The following WWOX variants were observed in gnomAD, a reference collection of about 807,000 sequenced individuals.
WWOX encodes the protein WW domain containing oxidoreductase.
Under a neutral mutation model 46.2 loss-of-function variants are expected in WWOX, and 69 were observed. That is an observed-to-expected ratio of 1.49 (90% CI 1.23 to 1.82). The LOEUF (loss-of-function observed/expected upper bound fraction) is 1.82. Ranked by LOEUF, WWOX falls within the 40% of genes most tolerant of loss-of-function variation. WWOX has a pLI of 0.00. For missense variants in WWOX, 919 were observed against 542.6 expected (o/e 1.69, Z -6.89); for synonymous variants, 359 against 202.6 (o/e 1.77, Z -6.56).
chr16:78,388,851 C>T (rs2082116365), intron 6 of WWOX, among the ~76,000 whole-genome samples: 1 of 151,762 alleles, frequency 6.6e-6, no homozygotes, highest in South Asian at 2.1e-4. Context: ...TGCCTGTAAT[C>T]CCAGCTACTT....
chr16:79,162,475 C>G (rs1405710466), intron 8 of WWOX, among the ~76,000 whole-genome samples: 1 of 152,158 alleles, frequency 6.6e-6, no homozygotes, highest in African/African-American at 2.4e-5. Context: ...CCTGATGCCA[C>G]TGGTGTTCCT....
intron 5 of WWOX, among the ~76,000 whole-genome samples, chr16:78,208,650 A>C (rs2036468025): frequency 6.6e-6 from 1 of 152,240 alleles, no homozygotes; most frequent in African/African-American, 2.4e-5. Flanking sequence ...GAAGCTGTGC[A>C]TAACACACTC....
chr16:78,188,784 C>T (rs1335983670), intron 5 of WWOX, among the ~76,000 whole-genome samples: 3 of 152,010 alleles, frequency 2.0e-5, no homozygotes, highest in Non-Finnish European at 4.4e-5. Context: ...AAATGACAGG[C>T]CTTTTGAAAT....
At chr16:78,202,597 C>CT (rs1359314571) in intron 5 of WWOX, among the ~76,000 whole-genome samples, 2 of 152,138 alleles carry the variant, frequency 1.3e-5, no homozygotes, top group Non-Finnish European at 2.9e-5. Flanking sequence ...TGTATTTCAG[C>CT]TTTTAACATT....
rs565866932 is a variant in WWOX at position 78,447,272 on chromosome 16, A to C, written c.1056+14520A>C. On this transcript the variant is annotated intron_variant, in intron 8 of 8. Coordinates refer to ENST00000566780, the MANE Select transcript of WWOX (RefSeq NM_016373.4). ...TCTGTACATTTACTCCTGTGCCAGT[A>C]ACAATGGCAATATTTTAATACTGTA... Among the ~76,000 whole-genome samples, 3 of 152,338 alleles carry C rather than the reference A, an allele frequency of 2.0e-5. No homozygotes were observed. In the East Asian group the frequency reaches 5.8e-4, roughly 29 times the overall value.
At chr16:78,605,578 A>C (rs577011988) in intron 8 of WWOX, among the ~76,000 whole-genome samples, 1 of 152,272 alleles carries the variant, frequency 6.6e-6, no homozygotes, top group South Asian at 2.1e-4. Flanking sequence ...AAATCAACCA[A>C]TGCCTGCCCT....
chr16:78,640,995 G>A (rs1482246570), intron 8 of WWOX, among the ~76,000 whole-genome samples: 2 of 151,434 alleles, frequency 1.3e-5, no homozygotes, highest in African/African-American at 2.4e-5. Flanking sequence ...GGAAGGAAAA[G>A]GGAAGGGAAA....
At chr16:78,972,662 G>A (rs1025302066) in intron 8 of WWOX, among the ~76,000 whole-genome samples, 4 of 152,066 alleles carry the variant, frequency 2.6e-5, no homozygotes, top group African/African-American at 9.7e-5. Flanking sequence ...TTCAACTGCA[G>A]AGCCTATTTT....
chr16:78,353,043 A>G (rs1597082243), intron 5 of WWOX, among the ~76,000 whole-genome samples: 3 of 152,350 alleles, frequency 2.0e-5, no homozygotes, highest in Middle Eastern at 3.4e-3. Context: ...CTTTTGTAAA[A>G]TAATGGCAGT....
chr16:78,101,072 G>C (rs2031745453), intron 1 of WWOX, among the ~76,000 whole-genome samples: 1 of 151,780 alleles, frequency 6.6e-6, no homozygotes, highest in South Asian at 2.1e-4. Flanking sequence ...TTTTGAGACG[G>C]AGTCTTGCTC....
chr16:78,961,653 C>G (rs770892094), intron 8 of WWOX, among the ~76,000 whole-genome samples: 10 of 152,104 alleles, frequency 6.6e-5, no homozygotes, highest in Non-Finnish European at 1.5e-4. Flanking sequence ...GATCTTCCAG[C>G]TTCACGTGCA....
chr16:78,815,548 A>T (rs962397401), intron 8 of WWOX, among the ~76,000 whole-genome samples: 1 of 152,142 alleles, frequency 6.6e-6, no homozygotes, highest in African/African-American at 2.4e-5. Context: ...GAAATCTCAG[A>T]CCATGATGAC....
At chr16:78,374,944 C>A (rs1161665955) in intron 5 of WWOX, among the ~76,000 whole-genome samples, 1 of 152,120 alleles carries the variant, frequency 6.6e-6, no homozygotes, top group Non-Finnish European at 1.5e-5. Flanking sequence ...CCTCGGCCTC[C>A]CAAAGTGCTG....
At chr16:78,893,847 A>G (rs2044643097) in intron 8 of WWOX, among the ~76,000 whole-genome samples, 1 of 152,098 alleles carries the variant, frequency 6.6e-6, no homozygotes, top group Non-Finnish European at 1.5e-5. Context: ...CTCACACAGT[A>G]TCTTTTGTTT....
intron 5 of WWOX, among the ~76,000 whole-genome samples, chr16:78,284,268 C>T (rs56179313): frequency 6.6e-6 from 1 of 152,006 alleles, no homozygotes; most frequent in Non-Finnish European, 1.5e-5. Flanking sequence ...GTGGTTTCTT[C>T]AAAACAGTGG....
At chr16:78,419,701 A>T (rs2082879058) in intron 6 of WWOX, among the ~76,000 whole-genome samples, 1 of 151,670 alleles carries the variant, frequency 6.6e-6, no homozygotes, top group Admixed American at 6.6e-5. Context: ...CTTAGAAGCA[A>T]ACATAGGGGT....
chr16:78,208,600 T>C (rs1004872814), intron 5 of WWOX, among the ~76,000 whole-genome samples: 25 of 152,346 alleles, frequency 1.6e-4, no homozygotes, highest in Middle Eastern at 3.4e-3. Context: ...TCATTCCTAA[T>C]TAATTTATGT....
intron 8 of WWOX, among the ~76,000 whole-genome samples, chr16:78,691,852 C>G (rs929773651): frequency 6.6e-6 from 1 of 152,156 alleles, no homozygotes; most frequent in African/African-American, 2.4e-5. Context: ...ATTGTATCTG[C>G]CAGAATTCCC....
intron 8 of WWOX, among the ~76,000 whole-genome samples, chr16:79,031,667 C>G (rs1281188908): frequency 6.7e-6 from 1 of 149,892 alleles, no homozygotes; most frequent in Non-Finnish European, 1.5e-5. Flanking sequence ...TCATTTAATA[C>G]CATCTTTTTT....
Sources: gnomAD v4.1 joint callset for allele counts (sites outside exome capture counted in the v4.1 genomes callset) on GRCh38, gnomAD v4.1.1 for gene constraint, MANE v1.5 for transcripts, NCBI Gene and HGNC (gene_info 2026-07-23, HGNC 2026-07-21) for gene names.